The following PRKACB variants were observed in gnomAD, a reference collection of about 807,000 sequenced individuals.
PRKACB encodes protein kinase cAMP-activated catalytic subunit beta.
In PRKACB, 16 loss-of-function variants were observed where a neutral mutation model predicts 51.4. That is an observed-to-expected ratio of 0.31 (90% CI 0.21 to 0.47). The LOEUF (loss-of-function observed/expected upper bound fraction) is 0.47, where lower values mean the gene tolerates loss of function less well. Ranked by LOEUF, PRKACB falls within the 20% of genes least tolerant of loss-of-function variation. PRKACB has a pLI of 1.00. For missense variants in PRKACB, 309 were observed against 464.5 expected (o/e 0.67, Z 3.08); for synonymous variants, 147 against 154.4 (o/e 0.95, Z 0.35).
chr1:84,183,982 ATAACTTT>A, intron 3 of PRKACB, 48 bp from the exon 4 acceptor site: 2 of 1,446,996 alleles, frequency 1.4e-6, no homozygotes, highest in South Asian at 3.2e-5. Flanking sequence ...TTTTTAAATG[ATAACTTT>A]TTAATTTTGC....
upstream of PRKACB, among the ~76,000 whole-genome samples, chr1:84,141,128 AGAAT>A (rs968548834): frequency 1.5e-4 from 23 of 152,108 alleles, no homozygotes; most frequent in Non-Finnish European, 2.9e-4. Context: ...AAATTAATGC[AGAAT>A]GAAGGAGGAA....
intron 1 of PRKACB, among the ~76,000 whole-genome samples, chr1:84,128,533 G>A (rs753759398): frequency 2.2e-4 from 34 of 152,110 alleles, no homozygotes; most frequent in Middle Eastern, 3.4e-3. Context: ...TTTAAAAAAC[G>A]ATTTGAAAAA....
intron 1 of PRKACB, among the ~76,000 whole-genome samples, chr1:84,137,661 G>T (rs371172869): frequency 6.6e-6 from 1 of 152,302 alleles, no homozygotes; most frequent in South Asian, 2.1e-4. Context: ...AGTGGAGTCC[G>T]TAAGACTGGA....
intron 1 of PRKACB, among the ~76,000 whole-genome samples, chr1:84,128,189 A>C (rs968835959): frequency 2.6e-5 from 4 of 151,270 alleles, no homozygotes; most frequent in African/African-American, 9.7e-5. Context: ...TTGTCTTTTT[A>C]GTGGAGACTG....
intron 1 of PRKACB, among the ~76,000 whole-genome samples, chr1:84,087,603 C>T (rs1571526542): frequency 6.6e-6 from 1 of 152,104 alleles, no homozygotes; most frequent in Admixed American, 6.5e-5. Flanking sequence ...TACTGTGTTG[C>T]CCAGGCTGGA....
intron 1 of PRKACB, among the ~76,000 whole-genome samples, chr1:84,115,886 CAAAAAAAAAAAAAAAA>C (rs60541006): frequency 1.9e-4 from 12 of 63,842 alleles, no homozygotes; most frequent in South Asian, 1.8e-3. Context: ...ACTCTTGTCT[CAAAAAAAAAAAAAAAA>C]AAAAAAAAAA....
chr1:84,168,565 C>G (rs979305932), intron 1 of PRKACB, among the ~76,000 whole-genome samples: 1 of 151,376 alleles, frequency 6.6e-6, no homozygotes, highest in Non-Finnish European at 1.5e-5. Context: ...TAGATTCTGA[C>G]TGAAAATACT....
chr1:84,161,914 C>G (rs1359178296), intron 1 of PRKACB, among the ~76,000 whole-genome samples: 1 of 151,844 alleles, frequency 6.6e-6, no homozygotes, highest in African/African-American at 2.4e-5. Flanking sequence ...ATTTTTAGTG[C>G]TCTTCATTTC....
chr1:84,111,828 G>GATATATATAT (rs569118584), intron 1 of PRKACB, among the ~76,000 whole-genome samples: 321 of 151,804 alleles, frequency 2.1e-3, no homozygotes, highest in African/African-American at 7.3e-3. Context: ...TGCAAGACCT[G>GATATATATAT]ATATATATAT....
intron 1 of PRKACB, among the ~76,000 whole-genome samples, chr1:84,152,388 G>A (rs1654955293): frequency 6.6e-6 from 1 of 152,164 alleles, no homozygotes; most frequent in African/African-American, 2.4e-5. Flanking sequence ...CCTAGCGAGA[G>A]TCAGCCTGTC....
intron 1 of PRKACB, among the ~76,000 whole-genome samples, chr1:84,117,866 G>A (rs1045579061): frequency 1.3e-5 from 2 of 152,106 alleles, no homozygotes; most frequent in African/African-American, 4.8e-5. Context: ...TTTTCTTGAA[G>A]TATATTGTTA....
intron 1 of PRKACB, among the ~76,000 whole-genome samples, chr1:84,118,171 T>A (rs1650783175): frequency 6.6e-6 from 1 of 152,176 alleles, no homozygotes; most frequent in Non-Finnish European, 1.5e-5. Flanking sequence ...GCTGTCCCTG[T>A]AATATGGAGC....
At chr1:84,086,384 A>ATGG (rs1647992191) in intron 1 of PRKACB, among the ~76,000 whole-genome samples, 1 of 152,096 alleles carries the variant, frequency 6.6e-6, no homozygotes, top group African/African-American at 2.4e-5. Flanking sequence ...CCATCAGAAG[A>ATGG]TGGTGCTGCT....
intron 1 of PRKACB, among the ~76,000 whole-genome samples, chr1:84,121,844 A>G (rs1651104614): frequency 6.6e-6 from 1 of 152,022 alleles, no homozygotes; most frequent in Non-Finnish European, 1.5e-5. Flanking sequence ...ATTCCCTTGC[A>G]CACACTCTCT....
intron 1 of PRKACB, among the ~76,000 whole-genome samples, chr1:84,129,824 C>T (rs965691556): frequency 1.7e-4 from 26 of 152,164 alleles, no homozygotes; most frequent in African/African-American, 6.3e-4. Flanking sequence ...GAGACAAATA[C>T]AGTAGTGAAT....
chr1:84,184,163 T>A lies in PRKACB; in HGVS notation c.477+28T>A, dbSNP rs766803245. On this transcript the variant is annotated intron_variant, in intron 4 of 9. Coordinates refer to ENST00000370685, the MANE Select transcript of PRKACB (RefSeq NM_182948.4). ...AAATTTTAGTAATATCTAAATAAGA[T>A]ATTTTCAACCTAAATTTTTTTTAAG... The A allele has an allele frequency of 1.9e-6, 3 of 1,561,766 alleles. No homozygotes were observed. The East Asian group carries it at 6.9e-5, about 36-fold the overall frequency.
chr1:84,118,874 T>C (rs564310183), intron 1 of PRKACB, among the ~76,000 whole-genome samples: 186 of 152,278 alleles, frequency 1.2e-3, no homozygotes, highest in African/African-American at 4.2e-3. Flanking sequence ...GTAGTTGACA[T>C]ATGTATCAAA....
intron 1 of PRKACB, among the ~76,000 whole-genome samples, chr1:84,121,683 G>A (rs1241202023): frequency 6.6e-6 from 1 of 152,082 alleles, no homozygotes; most frequent in South Asian, 2.1e-4. Context: ...TGAACACAAT[G>A]CTAGAATCTC....
chr1:84,182,468 A>ATT, intron 3 of PRKACB, 140 bp downstream of exon 3: 1 of 617,804 alleles, frequency 1.6e-6, no homozygotes, highest in East Asian at 3.9e-5. Flanking sequence ...TTGTAACTAA[A>ATT]TTTTTATTGT....
Sources: allele counts gnomAD v4.1 joint callset (sites outside exome capture counted in the v4.1 genomes callset), GRCh38; gene constraint gnomAD v4.1.1; transcripts MANE v1.5; gene names NCBI Gene and HGNC (gene_info 2026-07-23, HGNC 2026-07-21).